The following MYO10 variants were observed in gnomAD, a reference collection of about 807,000 sequenced individuals.
MYO10 encodes unconventional myosin-X.
In MYO10, 133 loss-of-function variants were observed where a neutral mutation model predicts 257.3. The ratio of observed to expected loss-of-function variants is 0.52; its 90% CI spans 0.45 to 0.60. The LOEUF is 0.60. Among genes scored for constraint, MYO10 ranks in the 20% least tolerant of loss-of-function variants. MYO10 has a pLI of 0.00. For missense variants in MYO10, 2,399 were observed against 2,635.7 expected, an observed-to-expected ratio of 0.91 and a Z score of 1.97; for synonymous variants, 1,104 against 1,028.6, an observed-to-expected ratio of 1.07 and a Z score of -1.40.
At chr5:16,814,801 C>T (rs1742554194) in intron 3 of MYO10, 1 of 152,158 alleles carries the variant, frequency 6.6e-6, no homozygotes, top group Admixed American at 6.5e-5. Context: ...AAATTGGATG[C>T]ACAAAAATCC....
chr5:16,673,656 A>T, intron 36 of MYO10, 26 bp downstream of exon 36: 1 of 1,601,950 alleles, frequency 6.2e-7, no homozygotes, highest in Non-Finnish European at 8.5e-7. Context: ...CATCTAACAG[A>T]ACAAGCAGCA....
At chr5:16,883,446 G>A (rs779093754) in intron 1 of MYO10, among the ~76,000 whole-genome samples, 30 of 152,296 alleles carry the variant, frequency 2.0e-4, no homozygotes, top group African/African-American at 7.2e-4. Flanking sequence ...AACAGACCAC[G>A]CAGGAGACTT....
chr5:16,743,056 G>A (rs1392045267), intron 19 of MYO10, among the ~76,000 whole-genome samples: 1 of 152,144 alleles, frequency 6.6e-6, no homozygotes, highest in African/African-American at 2.4e-5. Flanking sequence ...GGAGACGGAG[G>A]TTGCAGTGAG....
chr5:16,819,204 T>C (rs980886359), intron 2 of MYO10, among the ~76,000 whole-genome samples: 1 of 152,158 alleles, frequency 6.6e-6, no homozygotes, highest in African/African-American at 2.4e-5. Context: ...TAAAATTGGT[T>C]TTTTTGTTTG....
At chr5:16,897,301 G>GAAAA (rs1745244950) in intron 1 of MYO10, among the ~76,000 whole-genome samples, 1 of 87,544 alleles carries the variant, frequency 1.1e-5, no homozygotes. Context: ...TTTACACTTC[G>GAAAA]TAAAAAAAAA....
At chr5:16,702,149 G>A (rs553536617) in intron 24 of MYO10, among the ~76,000 whole-genome samples, 3 of 152,258 alleles carry the variant, frequency 2.0e-5, no homozygotes, top group South Asian at 4.1e-4. Context: ...CTGGACAGAC[G>A]GCCACCTGCA....
At chr5:16,779,719 T>A in intron 8 of MYO10, 71 bp from the exon 9 acceptor site, 1 of 843,576 alleles carries the variant, frequency 1.2e-6, no homozygotes, top group Non-Finnish European at 1.9e-6. Flanking sequence ...TCACTCTGAC[T>A]TTTTAAAGTA....
chr5:16,875,838 G>T (rs1304476626), intron 2 of MYO10, among the ~76,000 whole-genome samples: 3 of 152,138 alleles, frequency 2.0e-5, no homozygotes, highest in Admixed American at 2.0e-4. Flanking sequence ...AAACTATGTG[G>T]TTTTGGCCAG....
chr5:16,805,463 AAAAAAAAAAAAAAAAAAG>A (rs888336895), intron 3 of MYO10, among the ~76,000 whole-genome samples: 1 of 149,980 alleles, frequency 6.7e-6, no homozygotes, highest in Non-Finnish European at 1.5e-5. Flanking sequence ...CATCTCAAAA[AAAAAAAAAAAAAAAAAAG>A]AAAAGAAAAA....
intron 1 of MYO10, among the ~76,000 whole-genome samples, chr5:16,918,564 A>G (rs116488159): frequency 0.073 from 10,235 of 139,980 alleles, 420 homozygotes; most frequent in African/African-American, 0.12. Context: ...ATGTAATGGC[A>G]CAATCTCAGC....
At chr5:16,704,291 C>T (rs1398921446) in intron 22 of MYO10, among the ~76,000 whole-genome samples, 1 of 152,144 alleles carries the variant, frequency 6.6e-6, no homozygotes, top group African/African-American at 2.4e-5. Flanking sequence ...TGCCACCACA[C>T]TCTAGCCTCA....
At chr5:16,881,603 C>G (rs919539305) in intron 1 of MYO10, among the ~76,000 whole-genome samples, 2 of 152,186 alleles carry the variant, frequency 1.3e-5, no homozygotes, top group Non-Finnish European at 2.9e-5. Context: ...CAAAACACCC[C>G]CTTTGTTCTT....
chr5:16,691,511 C>T (rs2126524088), intron 27 of MYO10, among the ~76,000 whole-genome samples: 1 of 151,896 alleles, frequency 6.6e-6, no homozygotes, highest in Non-Finnish European at 1.5e-5. Context: ...CCAGCCTGGC[C>T]AACATGGTGA....
In MYO10 at chr5:16,877,758, C is replaced by T. The variant is rs189834688; in HGVS notation, c.22-51G>A. ...ACTGAGTTTGGATTGCATTTTGTGG[C>T]GAAACTGTACTGTCGAAATTACCCT... On this transcript the variant is annotated intron_variant, in intron 1 of 40. Transcript: ENST00000513610. 388 of 1,424,906 alleles carry T rather than the reference C, an allele frequency of 2.7e-4. 1 individual carries two copies. The African/African-American group carries it at 4.2e-3, about 16-fold the overall frequency. 88.3% of individuals were successfully genotyped at this position (1,424,906 alleles called of 1,614,324 possible). A position where few individuals can be genotyped will look rare whatever the true frequency, so the allele number is the denominator to read the frequency against.
chr5:16,681,565 A>ATCATCT, intron 31 of MYO10, 62 bp from the exon 32 acceptor site: 1 of 1,452,142 alleles, frequency 6.9e-7, no homozygotes, highest in Non-Finnish European at 9.4e-7. Context: ...AGACCACACA[A>ATCATCT]TCATCTGCAT....
chr5:16,745,319 A>T (rs1350608962), intron 19 of MYO10, among the ~76,000 whole-genome samples: 1 of 152,126 alleles, frequency 6.6e-6, no homozygotes, highest in Non-Finnish European at 1.5e-5. Flanking sequence ...TCCAGCCTGG[A>T]CCAAAAGCGA....
intron 19 of MYO10, among the ~76,000 whole-genome samples, chr5:16,750,970 G>A (rs2126640222): frequency 6.6e-6 from 1 of 152,208 alleles, no homozygotes; most frequent in Admixed American, 6.5e-5. Flanking sequence ...ACTCCAGCCT[G>A]GGTAACAAGA....
chr5:16,691,104 C>T (rs1317688336), intron 27 of MYO10, among the ~76,000 whole-genome samples: 1 of 151,144 alleles, frequency 6.6e-6, no homozygotes, highest in Non-Finnish European at 1.5e-5. Flanking sequence ...CCCATCTCTA[C>T]TAAAAATACA....
intron 19 of MYO10, among the ~76,000 whole-genome samples, chr5:16,718,459 G>C (rs1359170067): frequency 6.6e-6 from 1 of 152,270 alleles, no homozygotes; most frequent in Non-Finnish European, 1.5e-5. Context: ...CTAGCTCAGG[G>C]ATTGTAAATA....
Sources: gnomAD v4.1 joint callset for allele counts (sites outside exome capture counted in the v4.1 genomes callset) on GRCh38, gnomAD v4.1.1 for gene constraint, MANE v1.5 for transcripts, NCBI Gene and HGNC (gene_info 2026-07-23, HGNC 2026-07-21) for gene names.